Variants in PCDHGA4 observed in about 807,000 individuals in gnomAD.
The protein encoded by PCDHGA4 is protocadherin gamma subfamily A, 4.
PCDHGA4 carries 38 observed loss-of-function variants against 54.6 expected under a neutral mutation model. The ratio of observed to expected loss-of-function variants is 0.70; its 90% CI spans 0.54 to 0.91. PCDHGA4 has a LOEUF of 0.91. PCDHGA4 is among the 40% of genes least tolerant of loss of function. The pLI is 0.00. For synonymous variants in PCDHGA4, 511 were observed against 512.9 expected (o/e 1.00, Z 0.05); for missense variants, 1,298 against 1,220.9 (o/e 1.06, Z -0.94).
intron 1 of PCDHGA4, chr5:141,361,799 T>A (rs929369339): frequency 1.2e-6 from 2 of 1,613,184 alleles, no homozygotes; most frequent in Middle Eastern, 1.7e-4. Context: ...GTGGGCGACC[T>A]CAATGACAAT....
intron 1 of PCDHGA4, chr5:141,366,212 A>C: frequency 6.2e-7 from 1 of 1,613,804 alleles, no homozygotes; most frequent in African/African-American, 1.3e-5. Context: ...CGAGGTGCGC[A>C]CAGCGCGAGC....
intron 1 of PCDHGA4, chr5:141,408,821 T>C (rs774934223): frequency 1.4e-5 from 23 of 1,613,250 alleles, no homozygotes; most frequent in African/African-American, 2.7e-5. Flanking sequence ...AGAACAGAGA[T>C]CTCATAGCTT....
At chr5:141,506,237 T>G (rs558256375) in intron 3 of PCDHGA4, among the ~76,000 whole-genome samples, 1 of 152,014 alleles carries the variant, frequency 6.6e-6, no homozygotes, top group South Asian at 2.1e-4. Flanking sequence ...GATCATGAGG[T>G]CAGGAGTTCG....
intron 1 of PCDHGA4, chr5:141,423,486 C>G: frequency 6.2e-7 from 1 of 1,613,952 alleles, no homozygotes; most frequent in Non-Finnish European, 8.5e-7. Context: ...TCCTGCAAAC[C>G]TATTCCCACG....
Position 141,487,491 on chromosome 5 carries a change from C to T in PCDHGA4, c.2515-7316C>T. ...GTGGGAGGCCACTCTCATGGCTGTA[C>T]ACCCTTGGCTTCTGCACCCACTCGG... is the stretch of plus-strand genomic sequence containing the variant. On this transcript the variant is annotated intron_variant, in intron 1 of 3. Transcript: ENST00000571252. This position sits in a 1 kb window ranked among gnomAD's most constrained non-coding sequence, Gnocchi z 5.0. 6.2e-7 allele frequency: 1 copy of T among 1,614,204 alleles called. No individual in the cohort carries two copies. Among genetic ancestry groups the T allele is most frequent in the Non-Finnish European group, 8.5e-7 (1 of 1,180,034 alleles).
intron 1 of PCDHGA4, chr5:141,404,403 A>C (rs767148207): frequency 6.2e-7 from 1 of 1,613,896 alleles, no homozygotes; most frequent in Admixed American, 1.7e-5. Context: ...AGCAATGAGA[A>C]TTCTAGAGTT....
chr5:141,484,897 A>G (rs2099602925), intron 1 of PCDHGA4: 2 of 392,698 alleles, frequency 5.1e-6, no homozygotes, highest in Middle Eastern at 7.1e-4. Flanking sequence ...TTTCCCCTCC[A>G]ATGCTGCGAC....
At chr5:141,391,586 A>T (rs2092395151) in intron 1 of PCDHGA4, 1 of 152,234 alleles carries the variant, frequency 6.6e-6, no homozygotes. Flanking sequence ...TTCACAGGAA[A>T]ATATAAAGTT....
At chr5:141,501,016 G>A (rs1042009106) in intron 2 of PCDHGA4, among the ~76,000 whole-genome samples, 7 of 151,716 alleles carry the variant, frequency 4.6e-5, no homozygotes, top group Non-Finnish European at 1.0e-4. Context: ...CTACAGGCAC[G>A]CGCCACCACG....
intron 1 of PCDHGA4, chr5:141,416,087 G>A (rs1201318552): frequency 1.2e-5 from 2 of 165,800 alleles, no homozygotes; most frequent in East Asian, 3.3e-4. Flanking sequence ...TTCCCAAGGA[G>A]AAGGGCAATA....
rs774508260 is a variant in PCDHGA4, at chr5:141,356,917, A to G, written c.1810A>G (p.Thr604Ala). The G allele has an allele frequency of 6.2e-7, 1 of 1,614,056 alleles. No homozygotes were observed. The highest frequency in any genetic ancestry group is 2.2e-5 in the East Asian group (1 of 44,886). ...LYPTFPTDGS[T>A]GVELAPRSAD... ...CCCCACCTTCCCTACTGATGGCTCC[A>G]CTGGTGTGGAGCTGGCACCCCGCTC... The change falls in exon 1 of 4, where the codon ACT (threonine) becomes GCT (alanine). Residue 604 changes from threonine (T) to alanine (A), a missense_variant. Coordinates refer to ENST00000571252, the MANE Select transcript of PCDHGA4 (RefSeq NM_018917.4).
rs1206130340 is a variant in PCDHGA4, at chr5:141,473,814, G to A, written c.2515-20993G>A. On this transcript the variant is annotated intron_variant, in intron 1 of 3. Coordinates refer to ENST00000571252, the MANE Select transcript of PCDHGA4 (RefSeq NM_018917.4). ...GTATGATGCTACTGAGGAGCAGCTG[G>A]ACAATTGTGTGATCCAATTAAAATT... Among the ~76,000 whole-genome samples, 5 of 152,188 alleles carry A rather than the reference G, an allele frequency of 3.3e-5. No individual in the cohort carries two copies. The East Asian group carries it at 9.6e-4, about 29-fold the overall frequency.
At chr5:141,371,401 A>G (rs776331475) in intron 1 of PCDHGA4, 4 of 1,614,018 alleles carry the variant, frequency 2.5e-6, no homozygotes, top group Admixed American at 3.3e-5. Flanking sequence ...GTACAGATAG[A>G]TATTTCAGAT....
At chr5:141,450,815 A>ATTAT (rs1554136868) in intron 1 of PCDHGA4, among the ~76,000 whole-genome samples, 98 of 126,742 alleles carry the variant, frequency 7.7e-4, no homozygotes, top group African/African-American at 3.1e-3. Flanking sequence ...TATTTATTTA[A>ATTAT]TATTATTATT....
chr5:141,375,952 G>C (rs1032808913), intron 1 of PCDHGA4: 7 of 1,613,514 alleles, frequency 4.3e-6, no homozygotes, highest in South Asian at 1.1e-5. Flanking sequence ...GCCTGCACAC[G>C]GGCGAGGTGC....
chr5:141,360,369 C>G, intron 1 of PCDHGA4: 1 of 1,613,842 alleles, frequency 6.2e-7, no homozygotes, highest in Non-Finnish European at 8.5e-7. Context: ...TCACAGTAAA[C>G]CCAGAAAGCG....
intron 1 of PCDHGA4, chr5:141,366,287 C>T (rs746594585): frequency 5.0e-6 from 8 of 1,613,620 alleles, no homozygotes; most frequent in Admixed American, 1.7e-5. Context: ...TGGCCAGCCC[C>T]CTCTGTCAGC....
chr5:141,501,970 T>C (rs2099812082), intron 2 of PCDHGA4, among the ~76,000 whole-genome samples: 1 of 152,068 alleles, frequency 6.6e-6, no homozygotes. Flanking sequence ...TCCTAACCTC[T>C]GGCATCTGGT....
chr5:141,383,316 T>C (rs1779018146), intron 1 of PCDHGA4: 3 of 1,613,880 alleles, frequency 1.9e-6, no homozygotes, highest in Non-Finnish European at 1.7e-6. Context: ...AAGAAATAAA[T>C]GTAAAAATAA....
Sources: gnomAD v4.1 joint callset for allele counts (sites outside exome capture counted in the v4.1 genomes callset) on GRCh38, gnomAD v4.1.1 for gene constraint, Gnocchi (gnomAD v3.1) non-coding constraint, MANE v1.5 for transcripts, NCBI Gene and HGNC (gene_info 2026-07-23, HGNC 2026-07-21) for gene names.